XYLT1: variants seen among roughly 807,000 people sequenced by gnomAD.
XYLT1 encodes the protein beta-D-xylosyltransferase 1.
XYLT1 carries 36 observed loss-of-function variants against 91.3 expected under a neutral mutation model. That is an observed-to-expected ratio of 0.39 (90% CI 0.30 to 0.52). The LOEUF is 0.52. Among genes scored for constraint, XYLT1 ranks in the 20% least tolerant of loss-of-function variants. XYLT1 has a pLI of 0.68. For missense variants in XYLT1, 1,242 were observed against 1,284.5 expected (o/e 0.97, Z 0.51); for synonymous variants, 588 against 532.0 (o/e 1.11, Z -1.45).
intron 2 of XYLT1, among the ~76,000 whole-genome samples, chr16:17,333,408 G>C (rs1240631755): frequency 2.0e-5 from 3 of 151,962 alleles, no homozygotes; most frequent in Non-Finnish European, 4.4e-5. Context: ...AGTTGGAACT[G>C]GCTGCATTTC....
intron 5 of XYLT1, among the ~76,000 whole-genome samples, chr16:17,179,050 C>G (rs1469574524): frequency 6.8e-6 from 1 of 147,902 alleles, no homozygotes; most frequent in Non-Finnish European, 1.5e-5. Context: ...GCCAGGGTGA[C>G]AGAATGAGAC....
At chr16:17,375,965 T>C (rs1271211970) in intron 1 of XYLT1, among the ~76,000 whole-genome samples, 1 of 152,240 alleles carries the variant, frequency 6.6e-6, no homozygotes, top group East Asian at 1.9e-4. Flanking sequence ...CCATTACCAT[T>C]AGCATTAATC....
intron 1 of XYLT1, among the ~76,000 whole-genome samples, chr16:17,447,713 T>C (rs890598442): frequency 6.6e-6 from 1 of 152,212 alleles, no homozygotes; most frequent in African/African-American, 2.4e-5. Flanking sequence ...GTAAGACCCA[T>C]GGAGGGTGGT....
intron 1 of XYLT1, among the ~76,000 whole-genome samples, chr16:17,431,575 G>C (rs1002011704): frequency 6.6e-6 from 1 of 152,148 alleles, no homozygotes; most frequent in East Asian, 1.9e-4. Flanking sequence ...TCTTCAGAAG[G>C]GGAATACCAT....
At chr16:17,220,509 G>C (rs1433146549) in intron 3 of XYLT1, among the ~76,000 whole-genome samples, 1 of 152,196 alleles carries the variant, frequency 6.6e-6, no homozygotes, top group East Asian at 1.9e-4. Flanking sequence ...GTCCCACTCT[G>C]TCCCCCAGGC....
chr16:17,438,568 TCATTCCCG>T (rs1027109487), intron 1 of XYLT1, among the ~76,000 whole-genome samples: 1 of 152,152 alleles, frequency 6.6e-6, no homozygotes, highest in African/African-American at 2.4e-5. Flanking sequence ...CTGTATCAGT[TCATTCCCG>T]CATCCCTAGA....
chr16:17,171,608 C>T (rs2031821552), intron 5 of XYLT1, among the ~76,000 whole-genome samples: 1 of 152,196 alleles, frequency 6.6e-6, no homozygotes, highest in South Asian at 2.1e-4. Context: ...TCTTTTTAAA[C>T]AGAGGACACA....
rs568962829 is a variant in XYLT1 at position 17,397,379 on chromosome 16, TA to T, written c.364-39330del. Among the ~76,000 whole-genome samples, 70 of 152,198 alleles carry T rather than the reference TA, an allele frequency of 4.6e-4. 2 individuals carry two copies. In the South Asian group the frequency reaches 0.013, roughly 29 times the overall value. ...TAATTTGATATGAACCTGTGGTGCT[TA>T]AAAAACACCCGAGACAACATTGGAT... On this transcript the variant is annotated intron_variant, in intron 1 of 11. Transcript: ENST00000261381.
At chr16:17,151,177 G>A (rs1195644468) in intron 6 of XYLT1, among the ~76,000 whole-genome samples, 1 of 152,186 alleles carries the variant, frequency 6.6e-6, no homozygotes, top group African/African-American at 2.4e-5. Flanking sequence ...TGTAATCCCA[G>A]CACTTTGGGA....
At chr16:17,354,929 C>T (rs569433455) in intron 2 of XYLT1, 1 of 152,342 alleles carries the variant, frequency 6.6e-6, no homozygotes, top group East Asian at 1.9e-4. Context: ...AACATTTGCA[C>T]TTTGGTTGGG....
intron 2 of XYLT1, among the ~76,000 whole-genome samples, chr16:17,343,965 G>A (rs1270001767): frequency 6.6e-6 from 1 of 152,160 alleles, no homozygotes; most frequent in African/African-American, 2.4e-5. Flanking sequence ...AACGTCACCA[G>A]CTCCGTCTCA....
At chr16:17,412,047 C>T (rs2036116259) in intron 1 of XYLT1, among the ~76,000 whole-genome samples, 1 of 152,134 alleles carries the variant, frequency 6.6e-6, no homozygotes, top group Admixed American at 6.5e-5. Flanking sequence ...GGAACAAGAT[C>T]TTCCACATTG....
chr16:17,176,316 G>GC (rs1395407895), intron 5 of XYLT1, among the ~76,000 whole-genome samples: 14 of 152,194 alleles, frequency 9.2e-5, no homozygotes, highest in Non-Finnish European at 1.9e-4. Context: ...CGTTTCTCGA[G>GC]CCCTTTCTCT....
intron 1 of XYLT1, among the ~76,000 whole-genome samples, chr16:17,409,650 T>C (rs1488083650): frequency 6.6e-6 from 1 of 150,788 alleles, no homozygotes; most frequent in African/African-American, 2.4e-5. Flanking sequence ...ATCGGGTTCA[T>C]GTGGTTCTCC....
chr16:17,447,680 GA>G (rs2036610197), intron 1 of XYLT1, among the ~76,000 whole-genome samples: 1 of 152,192 alleles, frequency 6.6e-6, no homozygotes, highest in Non-Finnish European at 1.5e-5. Context: ...GATGCTCTTG[GA>G]AAAAGAGTTT....
chr16:17,281,306 G>C (rs1596463885), intron 2 of XYLT1, among the ~76,000 whole-genome samples: 1 of 152,078 alleles, frequency 6.6e-6, no homozygotes, highest in African/African-American at 2.4e-5. Context: ...ACAGGTACCA[G>C]AGCTGGAGGC....
At chr16:17,297,616 A>C (rs1374610997) in intron 2 of XYLT1, among the ~76,000 whole-genome samples, 2 of 151,868 alleles carry the variant, frequency 1.3e-5, no homozygotes, top group African/African-American at 4.8e-5. Flanking sequence ...CTCACTACTC[A>C]GGAGGCTGAG....
At chr16:17,185,773 C>G (rs140383219) in intron 5 of XYLT1, among the ~76,000 whole-genome samples, 1 of 151,922 alleles carries the variant, frequency 6.6e-6, no homozygotes, top group Non-Finnish European at 1.5e-5. Context: ...GGCTGAGGTG[C>G]GCAGATCACT....
chr16:17,410,591 A>G (rs2036094766), intron 1 of XYLT1, among the ~76,000 whole-genome samples: 2 of 151,870 alleles, frequency 1.3e-5, no homozygotes, highest in Non-Finnish European at 2.9e-5. Context: ...TGGGAGTTAC[A>G]ATTCAAGATG....
Sources: allele counts gnomAD v4.1 joint callset (sites outside exome capture counted in the v4.1 genomes callset), GRCh38; gene constraint gnomAD v4.1.1; transcripts MANE v1.5; gene names NCBI Gene and HGNC (gene_info 2026-07-23, HGNC 2026-07-21).